MAP4K3: variants seen among roughly 807,000 people sequenced by gnomAD.
MAP4K3 encodes the protein MAPK/ERK kinase kinase kinase 3.
A neutral mutation model predicts 143.5 loss-of-function variants in MAP4K3; 94 were observed. The ratio of observed to expected loss-of-function variants is 0.65; its 90% CI spans 0.55 to 0.78. The LOEUF is 0.78. Ranked by LOEUF, MAP4K3 falls within the 30% of genes least tolerant of loss-of-function variation. MAP4K3 has a pLI of 0.00. For synonymous variants in MAP4K3, 416 were observed against 347.2 expected, an observed-to-expected ratio of 1.20 and a Z score of -2.20; for missense variants, 1,077 against 1,068.1, an observed-to-expected ratio of 1.01 and a Z score of -0.12.
chr2:39,284,214 T>C (rs1573094365), intron 21 of MAP4K3, among the ~76,000 whole-genome samples: 1 of 152,126 alleles, frequency 6.6e-6, no homozygotes, highest in African/African-American at 2.4e-5. Flanking sequence ...CAGGCTGGAG[T>C]GCAGGGGCAC....
At chr2:39,356,750 T>A (rs1470005225) in intron 2 of MAP4K3, among the ~76,000 whole-genome samples, 1 of 152,252 alleles carries the variant, frequency 6.6e-6, no homozygotes, top group Non-Finnish European at 1.5e-5. Flanking sequence ...GCATGGAGTA[T>A]GCTTTATACA....
intron 1 of MAP4K3, among the ~76,000 whole-genome samples, chr2:39,404,900 C>T (rs1017298495): frequency 3.9e-5 from 6 of 152,118 alleles, no homozygotes; most frequent in African/African-American, 1.4e-4. Flanking sequence ...GGATTACAGG[C>T]TTGAGCCACC....
chr2:39,258,550 C>T lies in MAP4K3; in HGVS notation c.2346G>A (p.Leu782=). 6.2e-7 allele frequency: 1 copy of T among 1,613,782 alleles called. No individual in the cohort carries two copies. Among genetic ancestry groups the T allele is most frequent in the East Asian group, 2.2e-5 (1 of 44,858 alleles). Residue 782 remains leucine, a synonymous_variant, in exon 30 of 34, where the codon CTG becomes CTA. Transcript: ENST00000263881. ...AGCATACAAGGATGGTATCTCTCTC[C>T]AGTTGGGTTACATGAGTAACATTTG... ...PQTNVTHVTQ[L]ERDTILVCLD...
chr2:39,290,911 T>C (rs10166473), intron 18 of MAP4K3, among the ~76,000 whole-genome samples: 111,102 of 151,806 alleles, frequency 0.73, 44,996 homozygotes, highest in Non-Finnish European at 0.9. Context: ...ACACCATCTC[T>C]ACTAAAAATA....
In MAP4K3 at chr2:39,286,984, T is replaced by C. The variant is rs372209624; in HGVS notation, c.1475-20A>G. On this transcript the variant is annotated intron_variant, in intron 20 of 33. Transcript: ENST00000263881. ...CATTTCCTTCAATAAGATATATTCA[T>C]TGAAAATGATTAATCTTCATGAAAA... The C allele has an allele frequency of 1.4e-5, 21 of 1,469,274 alleles. No homozygotes were observed. The highest frequency in any genetic ancestry group is 2.0e-5 in the Non-Finnish European group (21 of 1,071,032). 91.0% of individuals were successfully genotyped at this position (1,469,274 alleles called of 1,614,324 possible).
chr2:39,378,084 C>T lies in MAP4K3; in HGVS notation c.136G>A (p.Val46Ile), dbSNP rs1244077853. The change falls in exon 2 of 34, where the codon GTA becomes ATA. Residue 46 changes from valine (V) to isoleucine (I), a missense_variant. This residue lies in a region of MAP4K3 where 213 missense variants were observed against 266.8 expected (regional missense o/e 0.80). Transcript: ENST00000263881. ...VNTGELAAIK[V>I]IKLEPGEDFA... The stretch of plus-strand genomic sequence containing the variant: ...AATTTACCTGGTTCCAATTTTATTA[C>T]TTTAATTGCTGCTAATTCACCAGTG... 6.3e-7 allele frequency: 1 copy of T among 1,590,680 alleles called. No individual in the cohort carries two copies.
At chr2:39,321,743 G>T (rs1472403398) in intron 12 of MAP4K3, among the ~76,000 whole-genome samples, 1 of 152,240 alleles carries the variant, frequency 6.6e-6, no homozygotes, top group Non-Finnish European at 1.5e-5. Flanking sequence ...AACCGCCTTA[G>T]GGCTGGAGGT....
intron 2 of MAP4K3, among the ~76,000 whole-genome samples, chr2:39,369,193 G>GTTTTT (rs1553419595): frequency 2.6e-5 from 1 of 37,968 alleles, no homozygotes; most frequent in African/African-American, 5.8e-5. Flanking sequence ...CTTTGGGCTA[G>GTTTTT]TTTTTTTTTT....
intron 2 of MAP4K3, among the ~76,000 whole-genome samples, chr2:39,357,476 T>C (rs1007776203): frequency 1.5e-4 from 23 of 152,204 alleles, no homozygotes; most frequent in South Asian, 4.1e-4. Context: ...GCAAATGTAA[T>C]TGAGACTTGA....
intron 1 of MAP4K3, among the ~76,000 whole-genome samples, chr2:39,424,233 C>A (rs1255263217): frequency 2.0e-5 from 3 of 152,116 alleles, no homozygotes; most frequent in Non-Finnish European, 4.4e-5. Flanking sequence ...CGTGAGCCAT[C>A]GCGCCCGGCC....
At chr2:39,305,645 C>T (rs1052414683) in intron 15 of MAP4K3, among the ~76,000 whole-genome samples, 1 of 152,042 alleles carries the variant, frequency 6.6e-6, no homozygotes, top group African/African-American at 2.4e-5. Context: ...ACCTAATAGT[C>T]CCTAAATCCC....
In MAP4K3 at chr2:39,389,262, G is replaced by A. The variant is rs575766110; in HGVS notation, c.97-11139C>T. On this transcript the variant is annotated intron_variant, in intron 1 of 33. Coordinates refer to ENST00000263881, the MANE Select transcript of MAP4K3 (RefSeq NM_003618.4). ...CACAGACATAAAATTAGACAAAATG[G>A]CAGATCTGAAGCAGCAAAGAGAGCA... is the stretch of plus-strand genomic sequence containing the variant. 5.3e-5 allele frequency among the ~76,000 whole-genome samples: 8 copies of A among 152,012 alleles called. No homozygotes were observed. The South Asian group carries it at 1.7e-3, about 32-fold the overall frequency.
At chr2:39,347,306 A>C (rs1367188186) in intron 3 of MAP4K3, among the ~76,000 whole-genome samples, 1 of 152,180 alleles carries the variant, frequency 6.6e-6, no homozygotes, top group African/African-American at 2.4e-5. Context: ...AAGAGTATAA[A>C]ATAAAGGGGT....
At chr2:39,367,784 C>T (rs1330988607) in intron 2 of MAP4K3, among the ~76,000 whole-genome samples, 1 of 152,140 alleles carries the variant, frequency 6.6e-6, no homozygotes, top group Non-Finnish European at 1.5e-5. Flanking sequence ...CCTAATGCCT[C>T]TCCCCAAGAA....
chr2:39,343,769 C>A (rs909535086), intron 3 of MAP4K3, among the ~76,000 whole-genome samples: 1 of 152,146 alleles, frequency 6.6e-6, no homozygotes, highest in Admixed American at 6.5e-5. Flanking sequence ...TACCCAGATT[C>A]TTCACAGACA....
At chr2:39,434,294 CA>C (rs1187968985) in intron 1 of MAP4K3, among the ~76,000 whole-genome samples, 2 of 151,872 alleles carry the variant, frequency 1.3e-5, no homozygotes, top group Admixed American at 1.3e-4. Flanking sequence ...AAACAAATAA[CA>C]AAAAAATGTA....
Position 39,325,925 on chromosome 2 carries a change from A to C in MAP4K3, c.699T>G (p.Pro233=). 1 of 1,596,786 alleles carries C rather than the reference A, an allele frequency of 6.3e-7. No homozygotes were observed. Among genetic ancestry groups the C allele is most frequent in the Non-Finnish European group, 8.6e-7 (1 of 1,166,664 alleles). Residue 233 remains proline (P), a synonymous_variant, in exon 10 of 34, where the codon CCT becomes CCG. Coordinates refer to ENST00000263881, the MANE Select transcript of MAP4K3 (RefSeq NM_003618.4). The part of the protein sequence containing the change: ...LFLMTKSNFQ[P]PKLKDKMKWS... ...ATTTCATTTTATCCTTTAGTTTAGG[A>C]GGCTGAAAATTGCTTTTTGTCATTA...
intron 1 of MAP4K3, among the ~76,000 whole-genome samples, chr2:39,380,901 C>T (rs953618971): frequency 6.6e-6 from 1 of 152,114 alleles, no homozygotes; most frequent in Non-Finnish European, 1.5e-5. Context: ...AGTTATGTAA[C>T]TATACTAACT....
intron 1 of MAP4K3, among the ~76,000 whole-genome samples, chr2:39,402,755 G>A (rs1666983018): frequency 6.7e-6 from 1 of 148,648 alleles, no homozygotes. Flanking sequence ...TTACCTCTAA[G>A]AAGATAAACT....
Sources: allele counts gnomAD v4.1 joint callset (sites outside exome capture counted in the v4.1 genomes callset), GRCh38; gene constraint gnomAD v4.1.1; regional missense constraint gnomAD v4.1.1; transcripts MANE v1.5; gene names NCBI Gene and HGNC (gene_info 2026-07-23, HGNC 2026-07-21).